GRID2: variants seen among roughly 807,000 people sequenced by gnomAD.
GRID2 encodes the protein glutamate ionotropic receptor delta type subunit 2, also known as glutamate receptor ionotropic, delta-2.
Under a neutral mutation model 114.8 loss-of-function variants are expected in GRID2, and 33 were observed. The ratio of observed to expected loss-of-function variants is 0.29; its 90% confidence interval spans 0.22 to 0.38. The LOEUF (loss-of-function observed/expected upper bound fraction) is 0.38, where lower values mean the gene tolerates loss of function less well. Ranked by LOEUF, GRID2 falls within the 10% of genes least tolerant of loss-of-function variation. GRID2 has a pLI of 1.00. For missense variants in GRID2, 1,184 were observed against 1,257.7 expected (o/e 0.94, Z 0.89); for synonymous variants, 505 against 449.9 (o/e 1.12, Z -1.55).
chr4:92,935,394 G>A (rs1750586672), intron 2 of GRID2, among the ~76,000 whole-genome samples: 1 of 146,708 alleles, frequency 6.8e-6, no homozygotes, highest in Non-Finnish European at 1.5e-5. Flanking sequence ...AACAGGTGCT[G>A]GAGAGGATGT....
At chr4:92,441,634 GC>G (rs1560632040) in intron 1 of GRID2, among the ~76,000 whole-genome samples, 1 of 152,048 alleles carries the variant, frequency 6.6e-6, no homozygotes, top group Non-Finnish European at 1.5e-5. Flanking sequence ...GAGTTTATAG[GC>G]TTTGAAAGGC....
chr4:92,695,515 TAA>T (rs1734387361), intron 2 of GRID2, among the ~76,000 whole-genome samples: 1 of 152,058 alleles, frequency 6.6e-6, no homozygotes, highest in South Asian at 2.1e-4. Flanking sequence ...AGAACAACTG[TAA>T]AGAGTTCCAA....
intron 2 of GRID2, among the ~76,000 whole-genome samples, chr4:92,751,598 A>C (rs550058019): frequency 2.4e-4 from 37 of 152,356 alleles, no homozygotes; most frequent in African/African-American, 7.9e-4. Context: ...GTTGTTAAAT[A>C]AAGTATATAT....
intron 2 of GRID2, among the ~76,000 whole-genome samples, chr4:92,889,306 A>T (rs1211057309): frequency 6.6e-6 from 1 of 152,200 alleles, no homozygotes; most frequent in East Asian, 1.9e-4. Context: ...GTATTCAAAT[A>T]GGAAGAGAGG....
intron 8 of GRID2, 142 bp downstream of exon 8, chr4:93,238,632 C>A: frequency 3.5e-6 from 2 of 577,068 alleles, no homozygotes; most frequent in Non-Finnish European, 5.9e-6. Context: ...GGAAATTAGG[C>A]ATTGAAATGA....
chr4:93,784,876 T>TA (rs1175518657), intron 1 of GRID2, among the ~76,000 whole-genome samples: 5 of 152,184 alleles, frequency 3.3e-5, no homozygotes, highest in African/African-American at 1.2e-4. Context: ...AACTACAGTT[T>TA]AAAATTATAT....
intron 1 of GRID2, among the ~76,000 whole-genome samples, chr4:92,338,352 C>A (rs911999354): frequency 6.6e-6 from 1 of 152,052 alleles, no homozygotes; most frequent in African/African-American, 2.4e-5. Flanking sequence ...AAAAGTTTTT[C>A]AATGAAGAGT....
At chr4:93,415,492 G>A (rs1271836459) in intron 9 of GRID2, among the ~76,000 whole-genome samples, 1 of 152,058 alleles carries the variant, frequency 6.6e-6, no homozygotes, top group Non-Finnish European at 1.5e-5. Flanking sequence ...GGTTGATCAT[G>A]TGGTTCATAA....
chr4:93,422,629 A>C, intron 9 of GRID2, 142 bp from the exon 10 acceptor site: 1 of 596,116 alleles, frequency 1.7e-6, no homozygotes, highest in Non-Finnish European at 3.0e-6. Flanking sequence ...ATGCGTTAAT[A>C]ATGCATAAGT....
chr4:92,747,893 T>G (rs1346902711), intron 2 of GRID2, among the ~76,000 whole-genome samples: 1 of 152,206 alleles, frequency 6.6e-6, no homozygotes, highest in East Asian at 1.9e-4. Context: ...GAGACATAGC[T>G]GTTTTCCAAA....
chr4:92,626,383 C>G (rs573543194), intron 2 of GRID2, among the ~76,000 whole-genome samples: 1 of 151,976 alleles, frequency 6.6e-6, no homozygotes, highest in African/African-American at 2.4e-5. Context: ...GGGGTTTTCT[C>G]TCAGGTTGTG....
At position 93,146,233 on chromosome 4, in the gene GRID2, A is replaced by T. The variant is rs182627159; in HGVS notation, c.735+35280A>T. Among the ~76,000 whole-genome samples, 630 of 152,296 alleles carry T rather than the reference A, an allele frequency of 4.1e-3. 8 individuals are homozygous for T. Among genetic ancestry groups the T allele is most frequent in the African/African-American group, 0.015 (607 of 41,568 alleles). On this transcript the variant is annotated intron_variant, in intron 4 of 15. Transcript: ENST00000282020. ...AATTAATTGCAGACTAATTTTATTCATGAAGTTATATTTGAACTAATAGTG... is the reference window on the plus strand; with the variant it reads ...AATTAATTGCAGACTAATTTTATTCTTGAAGTTATATTTGAACTAATAGTG...
chr4:92,547,421 A>T (rs1726320801), intron 1 of GRID2, among the ~76,000 whole-genome samples: 1 of 152,148 alleles, frequency 6.6e-6, no homozygotes, highest in South Asian at 2.1e-4. Flanking sequence ...GTATGAGTTG[A>T]TTAAACATTT....
chr4:93,054,544 T>C (rs1018238969), intron 2 of GRID2, among the ~76,000 whole-genome samples: 1 of 151,958 alleles, frequency 6.6e-6, no homozygotes, highest in African/African-American at 2.4e-5. Flanking sequence ...GGTAAACTTT[T>C]CTATCCCAAG....
rs531739701 is a variant in GRID2 at position 92,735,185 on chromosome 4, G to A, written c.244+144899G>A. On this transcript the variant is annotated intron_variant, in intron 2 of 15. Coordinates refer to ENST00000282020, the MANE Select transcript of GRID2 (RefSeq NM_001510.4). ...TTTTTGATATTAATCTCATATTAATGTTCCATGGAATAATACAGTGGTCCT... is the reference window on the plus strand; with the variant it reads ...TTTTTGATATTAATCTCATATTAATATTCCATGGAATAATACAGTGGTCCT... 2.6e-5 allele frequency among the ~76,000 whole-genome samples: 4 copies of A among 152,030 alleles called. No individual in the cohort carries two copies. In the East Asian group the frequency reaches 7.7e-4, roughly 29 times the overall value.
At chr4:93,320,446 A>C (rs893624901) in intron 8 of GRID2, among the ~76,000 whole-genome samples, 4 of 152,120 alleles carry the variant, frequency 2.6e-5, no homozygotes, top group Admixed American at 2.6e-4. Flanking sequence ...CCAGAATAGC[A>C]CTTCAGAAAA....
chr4:93,352,222 C>CA (rs1760874228), intron 8 of GRID2, among the ~76,000 whole-genome samples: 1 of 151,842 alleles, frequency 6.6e-6, no homozygotes, highest in South Asian at 2.1e-4. Flanking sequence ...AATCAAGGTT[C>CA]ATTGTTGTGA....
intron 14 of GRID2, among the ~76,000 whole-genome samples, chr4:93,759,540 T>C (rs958758331): frequency 2.6e-5 from 4 of 152,174 alleles, no homozygotes; most frequent in African/African-American, 7.2e-5. Flanking sequence ...AAAAAGTTAA[T>C]TGGAATAACT....
chr4:92,584,736 G>GTACC (rs539150026), intron 1 of GRID2, among the ~76,000 whole-genome samples: 25 of 151,662 alleles, frequency 1.6e-4, no homozygotes, highest in African/African-American at 5.6e-4. Context: ...ATGTACTGAT[G>GTACC]TACCCTCTGT....
Sources: allele counts gnomAD v4.1 joint callset (sites outside exome capture counted in the v4.1 genomes callset), GRCh38; gene constraint gnomAD v4.1.1; transcripts MANE v1.5; gene names NCBI Gene and HGNC (gene_info 2026-07-23, HGNC 2026-07-21).